The following OASL variants were observed in gnomAD, a reference collection of about 807,000 sequenced individuals.
The protein encoded by OASL is 2'-5'-oligoadenylate synthase-like protein.
OASL carries 28 observed loss-of-function variants against 35.3 expected under a neutral mutation model. That is an observed-to-expected ratio of 0.79 (90% CI 0.59 to 1.09). OASL has a LOEUF of 1.09. OASL is among the 50% of genes least tolerant of loss of function. The probability of loss-of-function intolerance (pLI) is 0.00; values close to 1 mark genes in which losing one functional copy is unlikely to be tolerated. For synonymous variants in OASL, 252 were observed against 254.6 expected (o/e 0.99, Z 0.10); for missense variants, 620 against 635.2 (o/e 0.98, Z 0.26).
At chr12:121,034,828 C>A (rs1335293523) in intron 1 of OASL, among the ~76,000 whole-genome samples, 2 of 152,180 alleles carry the variant, frequency 1.3e-5, no homozygotes, top group East Asian at 3.8e-4. Flanking sequence ...GTCAGCAATA[C>A]ATTTCTCTTT....
chr12:121,038,900 C>T (rs1460454268), exon 1 of OASL: 1 of 1,614,182 alleles, frequency 6.2e-7, no homozygotes, highest in Admixed American at 1.7e-5. Flanking sequence ...CCCGGTGGGG[C>T]TGCAGCCACT....
At chr12:121,029,955 C>T (rs2135910056) in intron 3 of OASL, among the ~76,000 whole-genome samples, 1 of 152,256 alleles carries the variant, frequency 6.6e-6, no homozygotes, top group Middle Eastern at 3.4e-3. Context: ...CTTACTTCAC[C>T]TCCGGGGCTC....
intron 4 of OASL, among the ~76,000 whole-genome samples, chr12:121,026,783 C>T (rs1285756162): frequency 6.6e-6 from 1 of 151,430 alleles, no homozygotes; most frequent in African/African-American, 2.4e-5. Flanking sequence ...ACCCAGGAGG[C>T]AGAGGTTGCA....
intron 4 of OASL, among the ~76,000 whole-genome samples, chr12:121,025,599 T>C (rs1456316336): frequency 6.6e-6 from 1 of 151,710 alleles, no homozygotes; most frequent in African/African-American, 2.4e-5. Flanking sequence ...ACCGTGTCTC[T>C]ACTAAAAATA....
At position 121,027,834 on chromosome 12, in the gene OASL, G is replaced by C; in HGVS notation, c.658-17C>G. 1.2e-6 allele frequency: 2 copies of C among 1,604,558 alleles called. No homozygotes were observed. The highest frequency in any genetic ancestry group is 1.7e-5 in the Admixed American group (1 of 59,930). The stretch of plus-strand genomic sequence containing the variant: ...TTTCACATACTGTTGAAAGAGATGG[G>C]AAGACAGAGAGAGAGAGACCCTAAG... On this transcript the variant is annotated splice_polypyrimidine_tract_variant and intron_variant, in intron 3 of 5. Transcript: ENST00000257570.
At chr12:121,026,089 T>A (rs892105944) in intron 4 of OASL, among the ~76,000 whole-genome samples, 1 of 152,042 alleles carries the variant, frequency 6.6e-6, no homozygotes. Flanking sequence ...ATGGGGATGA[T>A]GGAGATCCCT....
rs972857234 is a variant in OASL, at chr12:121,025,591, C to T, written c.900-1454G>A. ...ACCAGGCTGGCCAACATGGTGAAAC[C>T]GTGTCTCTACTAAAAATACAAAAAT... On this transcript the variant is annotated intron_variant, in intron 4 of 5. Coordinates refer to ENST00000257570, the Ensembl canonical transcript of OASL. Among the ~76,000 whole-genome samples the T allele has an allele frequency of 2.6e-5, 4 of 151,616 alleles. No homozygotes were observed. In the East Asian group the frequency reaches 7.8e-4, roughly 30 times the overall value.
At chr12:121,020,629 C>T in exon 6 of OASL, 2 of 1,614,078 alleles carry the variant, frequency 1.2e-6, no homozygotes, top group Non-Finnish European at 8.5e-7. Context: ...TCTTGGATGC[C>T]ATAGATCCCC....
intron 5 of OASL, among the ~76,000 whole-genome samples, chr12:121,023,381 C>T (rs1239572832): frequency 5.3e-5 from 8 of 151,588 alleles, no homozygotes; most frequent in African/African-American, 9.7e-5. Context: ...CCCCAGCTCC[C>T]GGGTTCAAGC....
intron 3 of OASL, among the ~76,000 whole-genome samples, chr12:121,029,624 C>T (rs1411557214): frequency 6.6e-6 from 1 of 151,780 alleles, no homozygotes; most frequent in African/African-American, 2.4e-5. Flanking sequence ...GGAGGCGGAG[C>T]TTGCAGTGAG....
At chr12:121,038,730 A>T (rs752461010) in intron 1 of OASL, 44 bp downstream of exon 1, 14 of 1,596,474 alleles carry the variant, frequency 8.8e-6, no homozygotes, top group Non-Finnish European at 1.2e-5. Flanking sequence ...GGACTCTGAT[A>T]CTGGGTTTTG....
downstream of OASL, among the ~76,000 whole-genome samples, chr12:121,018,728 G>A (rs570612227): frequency 3.1e-4 from 47 of 151,926 alleles, no homozygotes; most frequent in African/African-American, 1.1e-3. Flanking sequence ...AAATTAGCTG[G>A]GCACAGTGGT....
At chr12:121,028,940 C>G (rs1201248015) in intron 3 of OASL, among the ~76,000 whole-genome samples, 1 of 151,772 alleles carries the variant, frequency 6.6e-6, no homozygotes, top group Non-Finnish European at 1.5e-5. Flanking sequence ...TGGCAGGTGC[C>G]TGTAATCCCA....
At position 121,038,864 on chromosome 12, in the gene OASL, A is replaced by G. The variant is rs779410044; in HGVS notation, c.108T>C (p.Ala36=). The G allele has an allele frequency of 5.0e-6, 8 of 1,613,984 alleles. No individual in the cohort carries two copies. The East Asian group carries it at 6.7e-5, about 13-fold the overall frequency. The change falls in exon 1 of 6, where the codon GCT becomes GCC. Residue 36 remains alanine, a synonymous_variant. Coordinates refer to ENST00000257570, the Ensembl canonical transcript of OASL. The stretch of plus-strand genomic sequence containing the variant: ...TCAGAAACTCCTCCACGGTCCGCAC[A>G]GCGTCTAGCACCTCTTCCTTCCACT...
intron 5 of OASL, among the ~76,000 whole-genome samples, chr12:121,021,415 C>G (rs567503734): frequency 1.3e-5 from 2 of 152,234 alleles, no homozygotes; most frequent in Non-Finnish European, 2.9e-5. Flanking sequence ...GTTCTCACCA[C>G]CTCCAGAGGC....
chr12:121,030,624 C>T (rs1019556308), intron 3 of OASL, among the ~76,000 whole-genome samples: 2 of 151,986 alleles, frequency 1.3e-5, no homozygotes, highest in African/African-American at 4.8e-5. Flanking sequence ...TTGGAGTTTC[C>T]GTTATCTCGG....
rs145775612 is a variant in OASL at position 121,027,641 on chromosome 12, G to T, written c.834C>A (p.Thr278=). The change falls in exon 4 of 6, where the codon ACC becomes ACA. Residue 278 remains threonine, a synonymous_variant. Coordinates refer to ENST00000257570, the Ensembl canonical transcript of OASL. ...TTGCATTGTGGAGTGTGTAGTACTT[G>T]GTCCAGTAGATACAGATGACTTCAT... is the stretch of plus-strand genomic sequence containing the variant. 403 of 1,614,096 alleles carry T rather than the reference G, an allele frequency of 2.5e-4. 1 individual carries two copies. Among genetic ancestry groups the T allele is most frequent in the Non-Finnish European group, 3.1e-4 (370 of 1,180,000 alleles).
At chr12:121,027,050 A>T (rs904949349) in intron 4 of OASL, among the ~76,000 whole-genome samples, 1 of 152,080 alleles carries the variant, frequency 6.6e-6, no homozygotes, top group African/African-American at 2.4e-5. Context: ...GGCCGAGAGG[A>T]TATGAATGGG....
intron 5 of OASL, 111 bp from the exon 6 acceptor site, chr12:121,021,169 G>A: frequency 8.5e-7 from 1 of 1,171,908 alleles, no homozygotes. Context: ...AGCAGCGGCA[G>A]CAGCAAATGT....
Sources: allele counts gnomAD v4.1 joint callset (sites outside exome capture counted in the v4.1 genomes callset), GRCh38; gene constraint gnomAD v4.1.1; transcripts MANE v1.5; gene names NCBI Gene and HGNC (gene_info 2026-07-23, HGNC 2026-07-21).